The following PRKN variants were observed in gnomAD, a reference collection of about 807,000 sequenced individuals.
The protein encoded by PRKN is parkin RBR E3 ubiquitin protein ligase.
PRKN carries 56 observed loss-of-function variants against 59.5 expected under a neutral mutation model. That is an observed-to-expected ratio of 0.94 (90% CI 0.76 to 1.18). PRKN has a LOEUF of 1.18. Among genes scored for constraint, PRKN ranks in the 50% most tolerant of loss-of-function variants. The pLI, the probability that PRKN is intolerant of heterozygous loss-of-function variation, is 0.00. For synonymous variants in PRKN, 250 were observed against 222.1 expected (o/e 1.13, Z -1.12); for missense variants, 657 against 596.4 (o/e 1.10, Z -1.06).
chr6:162,233,365 C>CTTG (rs1778505305), intron 3 of PRKN, among the ~76,000 whole-genome samples: 1 of 152,022 alleles, frequency 6.6e-6, no homozygotes, highest in South Asian at 2.1e-4. Flanking sequence ...ATGCATATCT[C>CTTG]GTAATTCAGA....
chr6:162,417,842 A>G (rs1788718374), intron 2 of PRKN, among the ~76,000 whole-genome samples: 10 of 152,180 alleles, frequency 6.6e-5, no homozygotes, highest in Non-Finnish European at 1.5e-5. Context: ...TGATCATCAC[A>G]TTTCTTCCAC....
At chr6:161,928,527 C>T (rs1779048882) in intron 6 of PRKN, among the ~76,000 whole-genome samples, 1 of 152,100 alleles carries the variant, frequency 6.6e-6, no homozygotes, top group South Asian at 2.1e-4. Context: ...TATATTTCAG[C>T]CCTACAAGAA....
intron 2 of PRKN, among the ~76,000 whole-genome samples, chr6:162,303,122 A>G (rs994795976): frequency 6.1e-5 from 9 of 146,398 alleles, no homozygotes; most frequent in Non-Finnish European, 1.3e-4. Flanking sequence ...TTGTTCTGCT[A>G]TGGTGTAAAA....
intron 1 of PRKN, among the ~76,000 whole-genome samples, chr6:162,695,616 A>C (rs1777939546): frequency 6.6e-6 from 1 of 152,122 alleles, no homozygotes; most frequent in East Asian, 1.9e-4. Context: ...ACTATTTCTG[A>C]CCTTTGGAAA....
rs1224122492 is a variant in PRKN at position 161,584,497 on chromosome 6, A to T, written c.872-15081T>A. ...GTGCCAAATTGGGGGAAAAAACCTT[A>T]TGGCTGGCCTGTTATTAGAAGAAAA... On this transcript the variant is annotated intron_variant, in intron 7 of 11. Transcript: ENST00000366898. This position sits in a 1 kb window ranked among gnomAD's most constrained non-coding sequence, Gnocchi z 4.8. 1.3e-5 allele frequency among the ~76,000 whole-genome samples: 2 copies of T among 152,236 alleles called. No homozygotes were observed. Among genetic ancestry groups the T allele is most frequent in the East Asian group, 3.8e-4 (2 of 5,202 alleles).
intron 1 of PRKN, among the ~76,000 whole-genome samples, chr6:162,679,636 C>A (rs1384636220): frequency 1.3e-5 from 2 of 152,112 alleles, no homozygotes; most frequent in Non-Finnish European, 2.9e-5. Context: ...TAAGTAACCA[C>A]ACCTATTAAT....
In PRKN at chr6:161,582,676, C is replaced by T. The variant is rs1308350163; in HGVS notation, c.872-13260G>A. 2.6e-5 allele frequency among the ~76,000 whole-genome samples: 4 copies of T among 152,080 alleles called. No homozygotes were observed. The highest frequency in any genetic ancestry group is 7.2e-5 in the African/African-American group (3 of 41,408). ...TCTGCTGACCTCGTGATCTGCCCGC[C>T]TCGGCCTCCCAAAGTTCTGGGATTA... is the stretch of plus-strand genomic sequence containing the variant. On this transcript the variant is annotated intron_variant, in intron 7 of 11. Coordinates refer to ENST00000366898, the MANE Select transcript of PRKN (RefSeq NM_004562.3). This position sits in a 1 kb window ranked among gnomAD's most constrained non-coding sequence, Gnocchi z 4.4.
At position 161,588,729 on chromosome 6, in the gene PRKN, T is replaced by G. The variant is rs1781607744; in HGVS notation, c.872-19313A>C. On this transcript the variant is annotated intron_variant, in intron 7 of 11. Coordinates refer to ENST00000366898, the MANE Select transcript of PRKN (RefSeq NM_004562.3). The surrounding 1 kb of genome is among the most constrained non-coding windows in gnomAD (Gnocchi z 5.0). Reference sequence around the variant, plus strand: ...CCCTAGAAAATACACCCAAAGTGGTTTTTGAGAGGACACCATCATCTCTAG... The same window carrying G: ...CCCTAGAAAATACACCCAAAGTGGTGTTTGAGAGGACACCATCATCTCTAG... Among the ~76,000 whole-genome samples the G allele has an allele frequency of 6.6e-6, 1 of 152,150 alleles. No homozygotes were observed. Among genetic ancestry groups the G allele is most frequent in the Non-Finnish European group, 1.5e-5 (1 of 68,026 alleles).
intron 6 of PRKN, among the ~76,000 whole-genome samples, chr6:161,970,359 A>G (rs1272124938): frequency 6.6e-6 from 1 of 151,570 alleles, no homozygotes; most frequent in African/African-American, 2.4e-5. Flanking sequence ...GAGAAAATTT[A>G]TCATAATGTC....
chr6:161,701,005 T>C (rs1786229796), intron 7 of PRKN, among the ~76,000 whole-genome samples: 1 of 152,252 alleles, frequency 6.6e-6, no homozygotes, highest in South Asian at 2.1e-4. Context: ...AAAGACAACT[T>C]CATTTTATAG....
chr6:162,067,769 C>T (rs940156649), intron 4 of PRKN, among the ~76,000 whole-genome samples: 1 of 152,178 alleles, frequency 6.6e-6, no homozygotes, highest in Non-Finnish European at 1.5e-5. Flanking sequence ...TGGGCAGTGC[C>T]ACAGCCTTTT....
intron 1 of PRKN, among the ~76,000 whole-genome samples, chr6:162,675,943 T>C (rs1779527972): frequency 6.6e-6 from 1 of 152,110 alleles, no homozygotes; most frequent in African/African-American, 2.4e-5. Context: ...AGTCCAGAAA[T>C]AGACAAAAGT....
At chr6:161,814,921 C>A (rs1003699768) in intron 6 of PRKN, among the ~76,000 whole-genome samples, 1 of 152,196 alleles carries the variant, frequency 6.6e-6, no homozygotes, top group Non-Finnish European at 1.5e-5. Flanking sequence ...TCCCATGACA[C>A]ATGGGAATTA....
chr6:162,166,236 C>T (rs1216731346), intron 4 of PRKN, among the ~76,000 whole-genome samples: 1 of 152,056 alleles, frequency 6.6e-6, no homozygotes, highest in African/African-American at 2.4e-5. Context: ...TTGCTCCACA[C>T]AACAGCATGG....
chr6:161,455,163 T>C (rs9458264), intron 9 of PRKN, among the ~76,000 whole-genome samples: 13,118 of 151,680 alleles, frequency 0.086, 746 homozygotes, highest in African/African-American at 0.14. Context: ...CTCAGCCTCC[T>C]GAGTAGCTGG....
chr6:162,222,804 T>G (rs1777992252), intron 3 of PRKN, among the ~76,000 whole-genome samples: 1 of 152,190 alleles, frequency 6.6e-6, no homozygotes, highest in Non-Finnish European at 1.5e-5. Flanking sequence ...GACTAATACG[T>G]GTGGCTGGTT....
rs150510761 is a variant in PRKN, at chr6:162,415,632, A to G, written c.171+27678T>C. On this transcript the variant is annotated intron_variant, in intron 2 of 11. Coordinates refer to ENST00000366898, the MANE Select transcript of PRKN (RefSeq NM_004562.3). Reference sequence around the variant, plus strand: ...CAACAGATCATGACCATCCTGGCCAACATGATGAAACCCGTCTGTACTAAA... The same window carrying G: ...CAACAGATCATGACCATCCTGGCCAGCATGATGAAACCCGTCTGTACTAAA... 2.4e-3 allele frequency among the ~76,000 whole-genome samples: 369 copies of G among 152,214 alleles called. 4 individuals carry two copies. Among genetic ancestry groups the G allele is most frequent in the African/African-American group, 8.3e-3 (345 of 41,544 alleles).
At chr6:162,387,822 G>C (rs1786931221) in intron 2 of PRKN, among the ~76,000 whole-genome samples, 1 of 152,210 alleles carries the variant, frequency 6.6e-6, no homozygotes, top group South Asian at 2.1e-4. Flanking sequence ...TGCGTCAGGT[G>C]GAAATCTGCA....
In PRKN at chr6:161,566,973, G is replaced by GACC. The variant is rs1780665603; in HGVS notation, c.933+2379_933+2381dup. Among the ~76,000 whole-genome samples the GACC allele has an allele frequency of 1.3e-5, 2 of 149,676 alleles. No homozygotes were observed. Among genetic ancestry groups the GACC allele is most frequent in the Admixed American group, 1.3e-4 (2 of 15,066 alleles). ...TCACCTGCTCAGTGAAACTTTCCCT[G>GACC]ACCACCTTATATAAAATTTCACCTC... On this transcript the variant is annotated intron_variant, in intron 8 of 11. Coordinates refer to ENST00000366898, the MANE Select transcript of PRKN (RefSeq NM_004562.3). The surrounding 1 kb of genome is among the most constrained non-coding windows in gnomAD (Gnocchi z 4.1).
Sources: gnomAD v4.1 joint callset for allele counts (sites outside exome capture counted in the v4.1 genomes callset) on GRCh38, gnomAD v4.1.1 for gene constraint, Gnocchi (gnomAD v3.1) non-coding constraint, MANE v1.5 for transcripts, NCBI Gene and HGNC (gene_info 2026-07-23, HGNC 2026-07-21) for gene names.